The following ADGRG2 variants were observed in gnomAD, a reference collection of about 807,000 sequenced individuals.
The protein encoded by ADGRG2 is G protein-coupled receptor 64.
A neutral mutation model predicts 74.1 loss-of-function variants in ADGRG2; 26 were observed. The observed-to-expected ratio is 0.35, with a 90% CI of 0.26 to 0.49. The LOEUF (loss-of-function observed/expected upper bound fraction) is 0.49. Ranked by LOEUF, ADGRG2 falls within the 20% of genes least tolerant of loss-of-function variation. ADGRG2 has a pLI of 0.99. For synonymous variants in ADGRG2, 296 were observed against 295.2 expected, an observed-to-expected ratio of 1.00 and a Z score of -0.03; for missense variants, 619 against 763.1, an observed-to-expected ratio of 0.81 and a Z score of 2.22.
At position 19,077,934 on chromosome X, in the gene ADGRG2, A is replaced by C. The variant is rs146840503; in HGVS notation, c.-2+4768T>G. On this transcript the variant is annotated intron_variant, in intron 2 of 28. Coordinates refer to ENST00000379869, the MANE Select transcript of ADGRG2 (RefSeq NM_001079858.3). ...AACAAATCCACAATCATAATGAGAG[A>C]TCTCTATCAGCAATTGGTAAAAATT... Among the ~76,000 whole-genome samples, 430 of 112,167 alleles carry C rather than the reference A, an allele frequency of 3.8e-3. 2 individuals are homozygous for C. Among genetic ancestry groups the C allele is most frequent in the African/African-American group, 0.013 (408 of 30,903 alleles).
At chrX:19,045,597 C>T (rs113055815) in intron 3 of ADGRG2, among the ~76,000 whole-genome samples, 3 of 110,157 alleles carry the variant, frequency 2.7e-5, no homozygotes, top group African/African-American at 9.9e-5. Context: ...TGTGAGCCAC[C>T]GCGCCTGGCC....
In ADGRG2 at chrX:18,989,715, A is replaced by G. The variant is rs960522808; in HGVS notation, c.*1149T>C. On this transcript the variant is annotated 3_prime_UTR_variant, in exon 29 of 29. Transcript: ENST00000379869. ...GCATTCTTCAAGACACATTTAAAAA[A>G]CAATTATAGCTCTGGCTGGGCCAGA... 8.9e-6 allele frequency: 1 copy of G among 112,780 alleles called. No homozygotes were observed. Among genetic ancestry groups the G allele is most frequent in the African/African-American group, 3.2e-5 (1 of 30,981 alleles). The allele number at this position is 112,780 out of a possible 1,213,427, so 9.3% of individuals were successfully genotyped here.
At chrX:19,069,150 T>C (rs1280274968) in intron 2 of ADGRG2, among the ~76,000 whole-genome samples, 1 of 112,362 alleles carries the variant, frequency 8.9e-6, no homozygotes, top group Non-Finnish European at 1.9e-5. Flanking sequence ...TTATTACCAT[T>C]ACACAGAATC....
chrX:19,074,582 T>TCTTCTTCTTCTTCCTCTTC (rs1280636659), intron 2 of ADGRG2, among the ~76,000 whole-genome samples: 1 of 63,188 alleles, frequency 1.6e-5, no homozygotes, highest in African/African-American at 7.4e-5. Flanking sequence ...TTTTTTTTGT[T>TCTTCTTCTTCTTCCTCTTC]TGTTTGAGGC....
intron 3 of ADGRG2, among the ~76,000 whole-genome samples, chrX:19,061,984 G>C (rs1442184197): frequency 1.8e-5 from 2 of 111,576 alleles, no homozygotes; most frequent in Non-Finnish European, 3.8e-5. Flanking sequence ...GTGGGCCCAT[G>C]GTCTATTCTT....
At chrX:19,102,324 T>A (rs1450315922) in intron 1 of ADGRG2, among the ~76,000 whole-genome samples, 1 of 110,678 alleles carries the variant, frequency 9.0e-6, no homozygotes, top group Non-Finnish European at 1.9e-5. Context: ...GGAACTGATA[T>A]GAACATAACT....
At chrX:19,114,002 G>A (rs939782812) in intron 1 of ADGRG2, among the ~76,000 whole-genome samples, 15 of 105,473 alleles carry the variant, frequency 1.4e-4, no homozygotes, top group Non-Finnish European at 2.5e-4. Context: ...AACCCGGGAG[G>A]CAGAGGTTGC....
chrX:19,092,630 C>G (rs1178779330), intron 1 of ADGRG2, among the ~76,000 whole-genome samples: 1 of 111,446 alleles, frequency 9.0e-6, no homozygotes, highest in Non-Finnish European at 1.9e-5. Context: ...TGCACAGTCC[C>G]TTTTTACCTG....
At chrX:19,089,195 T>C (rs969499363) in intron 1 of ADGRG2, among the ~76,000 whole-genome samples, 2 of 111,534 alleles carry the variant, frequency 1.8e-5, no homozygotes, top group Non-Finnish European at 1.9e-5. Context: ...CACCTCAAAA[T>C]TGCTGTATCT....
chrX:19,052,652 A>G (rs2061342832), intron 3 of ADGRG2, among the ~76,000 whole-genome samples: 1 of 109,142 alleles, frequency 9.2e-6, no homozygotes, highest in Non-Finnish European at 1.9e-5. Context: ...GTTTATATAT[A>G]TATACATATG....
intron 1 of ADGRG2, among the ~76,000 whole-genome samples, chrX:19,119,305 T>A (rs1569158243): frequency 8.9e-6 from 1 of 112,258 alleles, no homozygotes; most frequent in Non-Finnish European, 1.9e-5. Context: ...TTATGATAGC[T>A]TTCCCCAAAT....
intron 3 of ADGRG2, among the ~76,000 whole-genome samples, chrX:19,063,641 G>A (rs1005347589): frequency 8.9e-6 from 1 of 112,151 alleles, no homozygotes; most frequent in South Asian, 3.7e-4. Context: ...TTCGCCACCC[G>A]CCTCGCCAAC....
At chrX:18,993,828 A>T (rs2059968089) in intron 28 of ADGRG2, among the ~76,000 whole-genome samples, 1 of 112,405 alleles carries the variant, frequency 8.9e-6, no homozygotes, top group Non-Finnish European at 1.9e-5. Context: ...CAATGAATAC[A>T]GGCAAATTCT....
chrX:19,082,673 C>T (rs1043510345), intron 2 of ADGRG2, 29 bp downstream of exon 2: 6 of 112,200 alleles, frequency 5.3e-5, no homozygotes, highest in African/African-American at 1.9e-4. Context: ...ATTTCTACAA[C>T]ATTATCTCAT....
At chrX:19,044,328 G>A (rs2061132461) in intron 3 of ADGRG2, among the ~76,000 whole-genome samples, 1 of 111,478 alleles carries the variant, frequency 9.0e-6, no homozygotes, top group Non-Finnish European at 1.9e-5. Context: ...GCCATGATGG[G>A]ACAGGGCCAG....
intron 1 of ADGRG2, among the ~76,000 whole-genome samples, chrX:19,116,329 G>A (rs961189646): frequency 5.5e-5 from 6 of 108,630 alleles, no homozygotes; most frequent in Non-Finnish European, 1.1e-4. Flanking sequence ...TGATCAATAT[G>A]GTAAAACCCC....
At chrX:19,107,869 G>A (rs1407613073) in intron 1 of ADGRG2, among the ~76,000 whole-genome samples, 1 of 108,700 alleles carries the variant, frequency 9.2e-6, no homozygotes, top group Non-Finnish European at 1.9e-5. Flanking sequence ...GGGAGGCTGA[G>A]GCGGGCGGAT....
In ADGRG2 at chrX:19,030,230, C is replaced by T. The variant is rs756386193; in HGVS notation, c.358+754G>A. Among the ~76,000 whole-genome samples, 5 of 111,976 alleles carry T rather than the reference C, an allele frequency of 4.5e-5. No homozygotes were observed. In the East Asian group the frequency reaches 1.1e-3, roughly 25 times the overall value. On this transcript the variant is annotated intron_variant, in intron 9 of 28. Coordinates refer to ENST00000379869, the MANE Select transcript of ADGRG2 (RefSeq NM_001079858.3). ...AAATACCTAGTTAACTTCCTCTTCT[C>T]GCTTCTCATGATCTCTGGCCAATTC... is the stretch of plus-strand genomic sequence containing the variant.
intron 3 of ADGRG2, among the ~76,000 whole-genome samples, chrX:19,047,783 G>T (rs904919411): frequency 5.4e-5 from 6 of 111,033 alleles, no homozygotes; most frequent in African/African-American, 2.0e-4. Context: ...TAAGGGCTTG[G>T]GATAACAGAC....
Sources: gnomAD v4.1 joint callset for allele counts (sites outside exome capture counted in the v4.1 genomes callset) on GRCh38, gnomAD v4.1.1 for gene constraint, MANE v1.5 for transcripts, NCBI Gene and HGNC (gene_info 2026-07-23, HGNC 2026-07-21) for gene names.